Variants in PDE4D observed in about 807,000 individuals in gnomAD.
PDE4D encodes the protein 3',5'-cyclic-AMP phosphodiesterase 4D.
A neutral mutation model predicts 87.4 loss-of-function variants in PDE4D; 24 were observed. The ratio of observed to expected loss-of-function variants is 0.27; its 90% CI spans 0.20 to 0.39. PDE4D has a LOEUF of 0.39. PDE4D is among the 10% of genes least tolerant of loss of function. PDE4D has a pLI of 1.00. For missense variants in PDE4D, 714 were observed against 1,041.0 expected (o/e 0.69, Z 4.32); for synonymous variants, 384 against 383.2 (o/e 1.00, Z -0.02).
chr5:59,228,606 C>T (rs975016010), intron 1 of PDE4D, among the ~76,000 whole-genome samples: 1 of 152,100 alleles, frequency 6.6e-6, no homozygotes, highest in Admixed American at 6.6e-5. Flanking sequence ...TCCAGCCACC[C>T]ACCCACATTT....
At chr5:60,031,949 T>C (rs373194109) in intron 2 of PDE4D, among the ~76,000 whole-genome samples, 1 of 152,192 alleles carries the variant, frequency 6.6e-6, no homozygotes, top group Non-Finnish European at 1.5e-5. Context: ...AAATCAGCTT[T>C]GTTTTCTAGC....
At chr5:59,482,147 C>A (rs555373468) in intron 1 of PDE4D, among the ~76,000 whole-genome samples, 2 of 152,178 alleles carry the variant, frequency 1.3e-5, no homozygotes, top group East Asian at 1.9e-4. Flanking sequence ...AACATTCATA[C>A]CCTCTCCAGC....
At position 60,278,307 on chromosome 5, in the gene PDE4D, G is replaced by C. The variant is rs1751570042; in HGVS notation, c.-89-92620C>G. 1.3e-5 allele frequency among the ~76,000 whole-genome samples: 2 copies of C among 152,074 alleles called. 1 individual carries two copies. The highest frequency in any genetic ancestry group is 2.9e-5 in the Non-Finnish European group (2 of 68,010). On this transcript the variant is annotated intron_variant, in intron 1 of 16. Transcript: ENST00000502484. ...TTCATTGATTTTCTTATATAAGTAA[G>C]GAATAATTTTTCTCTGGCTGCTTTC...
intron 1 of PDE4D, among the ~76,000 whole-genome samples, chr5:60,312,633 C>A (rs1359993751): frequency 2.0e-5 from 3 of 152,086 alleles, no homozygotes; most frequent in Non-Finnish European, 2.9e-5. Context: ...TCACAAGAAC[C>A]ACATGGGGGA....
At chr5:59,168,700 A>C (rs2153471318) in intron 5 of PDE4D, among the ~76,000 whole-genome samples, 1 of 152,278 alleles carries the variant, frequency 6.6e-6, no homozygotes, top group Admixed American at 6.5e-5. Flanking sequence ...GAGGGAGGGA[A>C]GGAGAGAGAA....
At chr5:59,441,676 A>G (rs1007875847) in intron 1 of PDE4D, among the ~76,000 whole-genome samples, 2 of 152,190 alleles carry the variant, frequency 1.3e-5, no homozygotes, top group African/African-American at 4.8e-5. Flanking sequence ...ACATCTATGA[A>G]TAAGGCTTAA....
intron 1 of PDE4D, among the ~76,000 whole-genome samples, chr5:59,850,663 G>A (rs532055250): frequency 1.3e-5 from 2 of 152,086 alleles, no homozygotes; most frequent in South Asian, 4.1e-4. Context: ...GCCAGAGATG[G>A]TACAGATTAT....
intron 2 of PDE4D, among the ~76,000 whole-genome samples, chr5:60,139,192 C>T (rs1486617348): frequency 2.0e-5 from 3 of 151,978 alleles, no homozygotes; most frequent in East Asian, 1.9e-4. Context: ...TACAGTTCAC[C>T]GCTAAGCCAA....
intron 3 of PDE4D, among the ~76,000 whole-genome samples, chr5:59,971,235 T>A (rs1048631683): frequency 6.8e-5 from 10 of 146,974 alleles, no homozygotes; most frequent in African/African-American, 1.5e-4. Flanking sequence ...GAGGGATAGC[T>A]TTGGGAGATA....
At chr5:59,756,809 A>G (rs933074682) in intron 1 of PDE4D, among the ~76,000 whole-genome samples, 1 of 116,336 alleles carries the variant, frequency 8.6e-6, no homozygotes. Flanking sequence ...GGAGGTTCTT[A>G]CTTTTTTTTT....
chr5:59,803,102 A>G (rs1227037545), intron 1 of PDE4D, among the ~76,000 whole-genome samples: 1 of 152,140 alleles, frequency 6.6e-6, no homozygotes, highest in Non-Finnish European at 1.5e-5. Context: ...TAAATGCATG[A>G]ATGACCAGAG....
Position 58,975,467 on chromosome 5 carries a change from ATATGAC to A in PDE4D, c.2013+184_2013+189del, listed in dbSNP as rs1274298813. 1.3e-5 allele frequency among the ~76,000 whole-genome samples: 2 copies of A among 152,214 alleles called. No individual in the cohort carries two copies. The highest frequency in any genetic ancestry group is 4.8e-5 in the African/African-American group (2 of 41,452). ...AAATGAATATGTCTTTAGAATATAT[ATATGAC>A]TATATGAATGTAAGTCATAAGAATG... On this transcript the variant is annotated intron_variant, in intron 14 of 14. Coordinates refer to ENST00000340635, the MANE Select transcript of PDE4D (RefSeq NM_001104631.2). The surrounding 1 kb of genome is among the most constrained non-coding windows in gnomAD (Gnocchi z 4.2).
chr5:59,012,522 A>G (rs1228583357), intron 6 of PDE4D, among the ~76,000 whole-genome samples: 1 of 152,202 alleles, frequency 6.6e-6, no homozygotes, highest in Non-Finnish European at 1.5e-5. Flanking sequence ...GATAAAACAG[A>G]CTTTAAACCA....
In PDE4D at chr5:59,343,280, C is replaced by T. The variant is rs79712791; in HGVS notation, c.456-127312G>A. Among the ~76,000 whole-genome samples, 847 of 152,218 alleles carry T rather than the reference C, an allele frequency of 5.6e-3. 14 individuals are homozygous for T. Among genetic ancestry groups the T allele is most frequent in the African/African-American group, 0.02 (811 of 41,532 alleles). On this transcript the variant is annotated intron_variant, in intron 1 of 14. Transcript: ENST00000340635. ...GATCTCTTGAACTTATTCCTCTTGT[C>T]TAACTGAAATTTTATATCCTCTGAC...
At chr5:59,030,830 CT>C (rs916156604) in intron 6 of PDE4D, among the ~76,000 whole-genome samples, 1 of 151,978 alleles carries the variant, frequency 6.6e-6, no homozygotes, top group Non-Finnish European at 1.5e-5. Flanking sequence ...GACTATTTTC[CT>C]TTTTTTTCTC....
At chr5:59,791,243 G>A (rs776539357) in intron 1 of PDE4D, among the ~76,000 whole-genome samples, 142 of 152,304 alleles carry the variant, frequency 9.3e-4, no homozygotes, top group Non-Finnish European at 8.8e-4. Context: ...TAAATATGTT[G>A]TCCTTGGATG....
chr5:59,795,393 G>A (rs978642893), intron 1 of PDE4D, among the ~76,000 whole-genome samples: 1 of 152,072 alleles, frequency 6.6e-6, no homozygotes, highest in East Asian at 1.9e-4. Context: ...TGGGTTCCCC[G>A]GTGGATCACG....
At chr5:59,720,935 G>A (rs979663644) in intron 1 of PDE4D, among the ~76,000 whole-genome samples, 7 of 152,100 alleles carry the variant, frequency 4.6e-5, no homozygotes, top group Non-Finnish European at 5.9e-5. Context: ...CTATACAAAT[G>A]TAGATTTCCA....
intron 2 of PDE4D, among the ~76,000 whole-genome samples, chr5:60,153,783 T>C (rs371325144): frequency 2.0e-5 from 3 of 152,132 alleles, no homozygotes; most frequent in East Asian, 3.9e-4. Context: ...AAACATGGCA[T>C]GATTCCACTT....
Sources: allele counts gnomAD v4.1 joint callset (sites outside exome capture counted in the v4.1 genomes callset), GRCh38; gene constraint gnomAD v4.1.1; non-coding constraint Gnocchi (gnomAD v3.1); transcripts MANE v1.5; gene names NCBI Gene and HGNC (gene_info 2026-07-23, HGNC 2026-07-21).